The following LRRTM4 variants were observed in gnomAD, a reference collection of about 807,000 sequenced individuals.
The protein encoded by LRRTM4 is leucine-rich repeat transmembrane neuronal protein 4.
LRRTM4 carries 25 observed loss-of-function variants against 47.6 expected under a neutral mutation model. The observed-to-expected ratio is 0.53, with a 90% confidence interval of 0.38 to 0.73. The LOEUF is 0.73. Among genes scored for constraint, LRRTM4 ranks in the 30% least tolerant of loss-of-function variants. The pLI is 0.00. For missense variants in LRRTM4, 638 were observed against 713.4 expected (o/e 0.89, Z 1.20); for synonymous variants, 311 against 269.5 (o/e 1.15, Z -1.51).
chr2:77,146,986 C>T (rs929803459), intron 3 of LRRTM4, among the ~76,000 whole-genome samples: 2 of 152,154 alleles, frequency 1.3e-5, no homozygotes, highest in African/African-American at 4.8e-5. Context: ...TCATCATTAA[C>T]TGGCAAATCT....
chr2:77,408,709 C>T (rs142062967), intron 3 of LRRTM4, among the ~76,000 whole-genome samples: 143 of 152,250 alleles, frequency 9.4e-4, no homozygotes, highest in African/African-American at 3.3e-3. Flanking sequence ...CATTGTGGCC[C>T]TTGTGCTCTG....
intron 3 of LRRTM4, among the ~76,000 whole-genome samples, chr2:77,294,767 A>G (rs376297840): frequency 2.0e-5 from 3 of 152,302 alleles, no homozygotes; most frequent in East Asian, 3.9e-4. Context: ...AATCTTTTAG[A>G]AAAATGTATC....
At chr2:76,771,355 G>T (rs1365677878) in intron 3 of LRRTM4, among the ~76,000 whole-genome samples, 1 of 152,100 alleles carries the variant, frequency 6.6e-6, no homozygotes, top group Non-Finnish European at 1.5e-5. Flanking sequence ...ATAGAAGAAA[G>T]AAAACAATGG....
intron 3 of LRRTM4, among the ~76,000 whole-genome samples, chr2:77,494,628 A>T (rs1298325397): frequency 2.0e-5 from 3 of 151,806 alleles, no homozygotes; most frequent in Non-Finnish European, 4.4e-5. Flanking sequence ...CTCAGATTGT[A>T]TTTTAATAGA....
chr2:77,241,585 C>CGG (rs1675268634), intron 3 of LRRTM4, among the ~76,000 whole-genome samples: 1 of 151,634 alleles, frequency 6.6e-6, no homozygotes, highest in Non-Finnish European at 1.5e-5. Context: ...AGAAAATAAC[C>CGG]TATTGAATAG....
chr2:76,838,481 G>C (rs780727258), intron 3 of LRRTM4, among the ~76,000 whole-genome samples: 7 of 152,076 alleles, frequency 4.6e-5, no homozygotes, highest in Non-Finnish European at 1.0e-4. Context: ...TAGTGTAAAA[G>C]AATTTCAACT....
At chr2:76,754,806 C>T (rs1672970651) in intron 3 of LRRTM4, among the ~76,000 whole-genome samples, 1 of 152,102 alleles carries the variant, frequency 6.6e-6, no homozygotes, top group South Asian at 2.1e-4. Flanking sequence ...CTAGCCATTG[C>T]CCTGTGAACG....
At chr2:77,364,791 G>T (rs368601814) in intron 3 of LRRTM4, among the ~76,000 whole-genome samples, 1 of 151,914 alleles carries the variant, frequency 6.6e-6, no homozygotes, top group Non-Finnish European at 1.5e-5. Flanking sequence ...ATCATAAGCC[G>T]AACCCTCTCT....
chr2:77,293,004 A>T (rs1425828040), intron 3 of LRRTM4, among the ~76,000 whole-genome samples: 2 of 151,856 alleles, frequency 1.3e-5, no homozygotes, highest in Non-Finnish European at 2.9e-5. Flanking sequence ...AAATATATAT[A>T]CCATATTGTG....
At chr2:77,094,538 C>T (rs1240035835) in intron 3 of LRRTM4, among the ~76,000 whole-genome samples, 1 of 151,974 alleles carries the variant, frequency 6.6e-6, no homozygotes, top group Non-Finnish European at 1.5e-5. Context: ...TATTATAATG[C>T]TATTGTAATA....
chr2:77,301,268 G>C (rs1677127185), intron 3 of LRRTM4, among the ~76,000 whole-genome samples: 2 of 151,962 alleles, frequency 1.3e-5, no homozygotes, highest in Admixed American at 6.6e-5. Context: ...TCAGGAATTT[G>C]TTATTTTGAG....
At chr2:77,281,946 A>G (rs1289165203) in intron 3 of LRRTM4, among the ~76,000 whole-genome samples, 1 of 151,940 alleles carries the variant, frequency 6.6e-6, no homozygotes. Flanking sequence ...AGATTTTTAA[A>G]TAGAACATCT....
chr2:77,068,063 A>G (rs1680020319), intron 3 of LRRTM4, among the ~76,000 whole-genome samples: 1 of 152,198 alleles, frequency 6.6e-6, no homozygotes, highest in African/African-American at 2.4e-5. Context: ...CAAATGATAT[A>G]AATACTAGAG....
chr2:76,895,611 G>A (rs562159377), intron 3 of LRRTM4, among the ~76,000 whole-genome samples: 3 of 152,074 alleles, frequency 2.0e-5, no homozygotes, highest in Admixed American at 1.3e-4. Flanking sequence ...TTGAACTCTA[G>A]ATCTGTCCAT....
chr2:76,769,578 T>C (rs1673597896), intron 3 of LRRTM4, among the ~76,000 whole-genome samples: 1 of 152,158 alleles, frequency 6.6e-6, no homozygotes, highest in African/African-American at 2.4e-5. Context: ...TAAAATCCTA[T>C]GCTAAGTGTG....
At chr2:77,001,809 C>A (rs563765794) in intron 3 of LRRTM4, among the ~76,000 whole-genome samples, 44 of 152,304 alleles carry the variant, frequency 2.9e-4, no homozygotes, top group African/African-American at 1.0e-3. Flanking sequence ...TAGTTCAACA[C>A]TGTTGACAAA....
At chr2:76,915,546 G>A (rs111968546) in intron 3 of LRRTM4, among the ~76,000 whole-genome samples, 1 of 152,252 alleles carries the variant, frequency 6.6e-6, no homozygotes, top group African/African-American at 2.4e-5. Context: ...CCTACCCGAT[G>A]TTCTGGGTTC....
intron 3 of LRRTM4, among the ~76,000 whole-genome samples, chr2:77,069,830 T>G (rs1573527262): frequency 6.6e-6 from 1 of 152,336 alleles, no homozygotes; most frequent in East Asian, 1.9e-4. Context: ...ATTCTTTAGC[T>G]TTATCATTTT....
intron 3 of LRRTM4, among the ~76,000 whole-genome samples, chr2:77,072,839 AGTTTCCAAG>A (rs1452697719): frequency 6.7e-6 from 1 of 149,362 alleles, no homozygotes; most frequent in African/African-American, 2.5e-5. Context: ...GCTGCCTTAC[AGTTTCCAAG>A]GTTTGTATGA....
Sources: gnomAD v4.1 joint callset for allele counts (sites outside exome capture counted in the v4.1 genomes callset) on GRCh38, gnomAD v4.1.1 for gene constraint, MANE v1.5 for transcripts, NCBI Gene and HGNC (gene_info 2026-07-23, HGNC 2026-07-21) for gene names.